The following CDH9 variants were observed in gnomAD, a reference collection of about 807,000 sequenced individuals.
CDH9 encodes cadherin-9.
Under a neutral mutation model 70.9 loss-of-function variants are expected in CDH9, and 28 were observed. That is an observed-to-expected ratio of 0.40 (90% CI 0.29 to 0.54). CDH9 has a LOEUF of 0.54. Among genes scored for constraint, CDH9 ranks in the 20% least tolerant of loss-of-function variants. CDH9 has a pLI of 0.59. For missense variants in CDH9, 874 were observed against 984.4 expected, an observed-to-expected ratio of 0.89 and a Z score of 1.50; for synonymous variants, 409 against 343.1, an observed-to-expected ratio of 1.19 and a Z score of -2.12.
chr5:26,955,232 G>C (rs1463472892), intron 2 of CDH9, among the ~76,000 whole-genome samples: 1 of 152,010 alleles, frequency 6.6e-6, no homozygotes, highest in African/African-American at 2.4e-5. Flanking sequence ...GGTATTTCAA[G>C]GAAATGTTAA....
chr5:26,910,306 T>C (rs1466304361), intron 3 of CDH9, among the ~76,000 whole-genome samples: 1 of 152,114 alleles, frequency 6.6e-6, no homozygotes, highest in Non-Finnish European at 1.5e-5. Flanking sequence ...ATAAAATATT[T>C]GTATACAAAG....
intron 2 of CDH9, among the ~76,000 whole-genome samples, chr5:26,980,838 A>G (rs890190543): frequency 1.3e-5 from 2 of 152,106 alleles, no homozygotes; most frequent in African/African-American, 4.8e-5. Flanking sequence ...CAATAATAGC[A>G]TTGCATTTAT....
intron 2 of CDH9, among the ~76,000 whole-genome samples, chr5:26,976,424 T>C (rs1442870914): frequency 6.6e-6 from 1 of 151,576 alleles, no homozygotes; most frequent in Non-Finnish European, 1.5e-5. Flanking sequence ...ATCTTTAGGT[T>C]ATTTTACAGT....
chr5:26,909,533 T>C (rs1741011127), intron 3 of CDH9, among the ~76,000 whole-genome samples: 1 of 149,612 alleles, frequency 6.7e-6, no homozygotes, highest in African/African-American at 2.5e-5. Flanking sequence ...GACCATTTTT[T>C]TTCTTTTTTT....
intron 1 of CDH9, among the ~76,000 whole-genome samples, chr5:27,017,568 T>C (rs938501555): frequency 1.3e-5 from 2 of 151,948 alleles, no homozygotes; most frequent in Non-Finnish European, 2.9e-5. Context: ...CCTAACTTAG[T>C]TCTTTAGTGT....
chr5:26,897,020 A>G (rs1237124918), intron 7 of CDH9, among the ~76,000 whole-genome samples: 1 of 152,146 alleles, frequency 6.6e-6, no homozygotes, highest in Non-Finnish European at 1.5e-5. Flanking sequence ...ACAAACTACC[A>G]TTAGAGAATA....
chr5:26,922,746 C>A (rs1173655586), intron 2 of CDH9, among the ~76,000 whole-genome samples: 3 of 151,822 alleles, frequency 2.0e-5, no homozygotes, highest in African/African-American at 7.2e-5. Context: ...CTACTCATAT[C>A]TTGACTAGAA....
At chr5:26,909,064 A>G (rs1482224732) in intron 3 of CDH9, among the ~76,000 whole-genome samples, 5 of 151,980 alleles carry the variant, frequency 3.3e-5, no homozygotes, top group Non-Finnish European at 5.9e-5. Flanking sequence ...GCTCACTACA[A>G]CCTCCGCCTC....
intron 1 of CDH9, among the ~76,000 whole-genome samples, chr5:27,026,687 T>A (rs1233134985): frequency 6.6e-6 from 1 of 151,972 alleles, no homozygotes; most frequent in Non-Finnish European, 1.5e-5. Context: ...TGCTAATGCT[T>A]GACTATAGAA....
At chr5:26,919,244 T>TGAATCTATG (rs1284185116) in intron 2 of CDH9, among the ~76,000 whole-genome samples, 10 of 151,746 alleles carry the variant, frequency 6.6e-5, no homozygotes, top group Non-Finnish European at 1.3e-4. Flanking sequence ...TGGTGAGGAG[T>TGAATCTATG]GAATCTATGT....
Position 26,903,685 on chromosome 5 carries a change from A to T in CDH9, c.951T>A (p.Asp317Glu). 3 of 1,611,394 alleles carry T rather than the reference A, an allele frequency of 1.9e-6. No homozygotes were observed. Among genetic ancestry groups the T allele is most frequent in the Non-Finnish European group, 2.5e-6 (3 of 1,177,706 alleles). ...IAEGDGADMF[D>E]VITDKDTQEG... ...CCTGTGTATCCTTGTCAGTGATGAC[A>T]TCGAACATGTCTGCACCATCTCCTT... Residue 317 changes from aspartate (D) to glutamate (E), a missense_variant, in exon 6 of 12, where the codon GAT (aspartate) becomes GAA (glutamate). Asp to Glu is a conservative substitution (Grantham distance 45). Coordinates refer to ENST00000231021, the MANE Select transcript of CDH9 (RefSeq NM_016279.4).
chr5:27,037,452 T>A (rs979951087), intron 1 of CDH9, among the ~76,000 whole-genome samples: 4 of 151,954 alleles, frequency 2.6e-5, no homozygotes, highest in African/African-American at 9.7e-5. Flanking sequence ...TCTACTACAG[T>A]TAATAACTTT....
rs116719008 is a variant in CDH9, at chr5:26,916,603, T to C, written c.229-679A>G. 3.9e-3 allele frequency among the ~76,000 whole-genome samples: 596 copies of C among 152,062 alleles called. 7 individuals are homozygous for C. Among genetic ancestry groups the C allele is most frequent in the African/African-American group, 0.014 (572 of 41,552 alleles). On this transcript the variant is annotated intron_variant, in intron 2 of 11. Transcript: ENST00000231021. ...TATAACCATATACCGTAACAAAAGT[T>C]ATTTGAATGGTCTCTCTTTCTCTCT...
intron 1 of CDH9, among the ~76,000 whole-genome samples, chr5:27,033,361 G>A (rs1743340891): frequency 6.6e-6 from 1 of 151,080 alleles, no homozygotes; most frequent in Non-Finnish European, 1.5e-5. Context: ...TTTTCCATAT[G>A]TATTCTGGAT....
chr5:26,962,990 T>G (rs866035919), intron 2 of CDH9, among the ~76,000 whole-genome samples: 1 of 152,158 alleles, frequency 6.6e-6, no homozygotes, highest in Non-Finnish European at 1.5e-5. Context: ...AAATTTATTC[T>G]CTTGAACACA....
At chr5:26,924,722 GC>G (rs1349277182) in intron 2 of CDH9, among the ~76,000 whole-genome samples, 8 of 151,682 alleles carry the variant, frequency 5.3e-5, no homozygotes, top group African/African-American at 1.9e-4. Flanking sequence ...CCTAAGACAG[GC>G]CCCGGTGTGT....
chr5:26,900,054 A>G (rs1292758130), intron 7 of CDH9, among the ~76,000 whole-genome samples: 1 of 152,060 alleles, frequency 6.6e-6, no homozygotes, highest in Non-Finnish European at 1.5e-5. Flanking sequence ...AATATTTTGA[A>G]CAACTTTATG....
intron 2 of CDH9, among the ~76,000 whole-genome samples, chr5:26,983,320 C>A (rs1487154040): frequency 6.6e-6 from 1 of 152,104 alleles, no homozygotes; most frequent in Non-Finnish European, 1.5e-5. Flanking sequence ...AAGTGAATTT[C>A]AGTTAATTTT....
chr5:26,908,794 A>G (rs571088886), intron 3 of CDH9, among the ~76,000 whole-genome samples: 57 of 152,300 alleles, frequency 3.7e-4, no homozygotes, highest in African/African-American at 1.4e-3. Flanking sequence ...AGCTCTGGTA[A>G]TAATTAAGAA....
Sources: allele counts gnomAD v4.1 joint callset (sites outside exome capture counted in the v4.1 genomes callset), GRCh38; gene constraint gnomAD v4.1.1; transcripts MANE v1.5; gene names NCBI Gene and HGNC (gene_info 2026-07-23, HGNC 2026-07-21).